Variants in ATF7IP2 observed in about 807,000 individuals in gnomAD.
The protein encoded by ATF7IP2 is activating transcription factor 7 interacting protein 2.
Under a neutral mutation model 64.2 loss-of-function variants are expected in ATF7IP2, and 42 were observed. That is an observed-to-expected ratio of 0.65 (90% CI 0.51 to 0.85). The LOEUF is 0.85. Ranked by LOEUF, ATF7IP2 falls within the 40% of genes least tolerant of loss-of-function variation. The pLI is 0.00. For missense variants in ATF7IP2, 933 were observed against 784.2 expected (o/e 1.19, Z -2.27); for synonymous variants, 308 against 272.8 (o/e 1.13, Z -1.27).
chr16:10,402,202 G>C (rs921382436), intron 1 of ATF7IP2, among the ~76,000 whole-genome samples: 1 of 151,804 alleles, frequency 6.6e-6, no homozygotes, highest in South Asian at 2.1e-4. Flanking sequence ...CTGTTTTTTT[G>C]ATGGAGACGT....
At chr16:10,455,624 G>T (rs1446864454) in intron 8 of ATF7IP2, among the ~76,000 whole-genome samples, 1 of 152,136 alleles carries the variant, frequency 6.6e-6, no homozygotes, top group Non-Finnish European at 1.5e-5. Context: ...GAGACTAGAG[G>T]AGTTTTGAGG....
Position 10,457,547 on chromosome 16 carries a change from A to G in ATF7IP2, c.1352+18A>G. ...TCTGAAAGGTAGGTGTTTCTGCAAA[A>G]ATGCATAAATTTATCTAAATCTATA... On this transcript the variant is annotated intron_variant, in intron 9 of 13. Transcript: ENST00000562102. The G allele has an allele frequency of 6.6e-7, 1 of 1,518,020 alleles. No homozygotes were observed. Among genetic ancestry groups the G allele is most frequent in the Admixed American group, 2.3e-5 (1 of 42,912 alleles). 94.0% of individuals were successfully genotyped at this position (1,518,020 alleles called of 1,614,324 possible). A position where few individuals can be genotyped will look rare whatever the true frequency, so the allele number is the denominator to read the frequency against.
intron 9 of ATF7IP2, among the ~76,000 whole-genome samples, chr16:10,462,644 T>C (rs1216997426): frequency 6.6e-6 from 1 of 152,172 alleles, no homozygotes; most frequent in Non-Finnish European, 1.5e-5. Flanking sequence ...CAATATACTA[T>C]AAGATGTTAG....
At chr16:10,470,179 A>C (rs978655499) in intron 9 of ATF7IP2, among the ~76,000 whole-genome samples, 1 of 152,194 alleles carries the variant, frequency 6.6e-6, no homozygotes, top group Admixed American at 6.5e-5. Flanking sequence ...CTCTATATAG[A>C]AACACTACAT....
chr16:10,423,990 G>A (rs1292038315), intron 3 of ATF7IP2, among the ~76,000 whole-genome samples: 3 of 152,222 alleles, frequency 2.0e-5, no homozygotes, highest in Non-Finnish European at 1.5e-5. Flanking sequence ...TGAGAGCCAC[G>A]AAGAGTTTTA....
rs1454729090 is a variant in ATF7IP2, at chr16:10,431,337, C to T, written c.717C>T (p.Val239=). Reference sequence around the variant, plus strand: ...AAACACCTAATTTGGTGAATTCAGTCACTTCTAACAACTGTGCTGATGACA... The same window carrying T: ...AAACACCTAATTTGGTGAATTCAGTTACTTCTAACAACTGTGCTGATGACA... ...VEKTPNLVNS[V]TSNNCADDIL... The change falls in exon 5 of 14, where the codon GTC becomes GTT. Residue 239 remains valine (V), a synonymous_variant. Coordinates refer to ENST00000562102, the MANE Select transcript of ATF7IP2 (RefSeq NM_001393719.1). The T allele has an allele frequency of 1.2e-6, 2 of 1,614,006 alleles. No individual in the cohort carries two copies. The highest frequency in any genetic ancestry group is 2.7e-5 in the African/African-American group (2 of 74,926).
At chr16:10,478,492 C>T (rs1308234160) in intron 12 of ATF7IP2, among the ~76,000 whole-genome samples, 4 of 152,138 alleles carry the variant, frequency 2.6e-5, no homozygotes, top group African/African-American at 9.7e-5. Context: ...ACACCTTATA[C>T]AAAAATTTAT....
intron 12 of ATF7IP2, among the ~76,000 whole-genome samples, chr16:10,476,540 G>A (rs1447710617): frequency 6.6e-6 from 1 of 152,020 alleles, no homozygotes; most frequent in Non-Finnish European, 1.5e-5. Context: ...TGTGCAGGAT[G>A]TGCAGGTTTG....
At chr16:10,437,348 A>C (rs1366307449) in intron 6 of ATF7IP2, among the ~76,000 whole-genome samples, 10 of 152,170 alleles carry the variant, frequency 6.6e-5, no homozygotes, top group Admixed American at 6.5e-4. Context: ...ACCGTGCTCT[A>C]ACTAGCTGAG....
At chr16:10,396,850 A>G (rs1249824328) in intron 1 of ATF7IP2, among the ~76,000 whole-genome samples, 1 of 151,560 alleles carries the variant, frequency 6.6e-6, no homozygotes, top group East Asian at 1.9e-4. Flanking sequence ...AGATTTTTGT[A>G]GTGACAAGAT....
At chr16:10,439,402 A>AT (rs2048533493) in intron 7 of ATF7IP2, among the ~76,000 whole-genome samples, 1 of 151,226 alleles carries the variant, frequency 6.6e-6, no homozygotes, top group Non-Finnish European at 1.5e-5. Context: ...TGCCCGGCTA[A>AT]TTTTTTGTAT....
rs1293306844 is a variant in ATF7IP2, at chr16:10,468,442, A to C, written c.1353-3668A>C. On this transcript the variant is annotated intron_variant, in intron 9 of 13. Coordinates refer to ENST00000562102, the MANE Select transcript of ATF7IP2 (RefSeq NM_001393719.1). ...TCAGGCTGAAAAATTATTTTCAGAT[A>C]TTGTTCTACCAGGAGTTTAGGATCA... Among the ~76,000 whole-genome samples, 3 of 152,200 alleles carry C rather than the reference A, an allele frequency of 2.0e-5. No homozygotes were observed. In the East Asian group the frequency reaches 5.8e-4, roughly 29 times the overall value.
chr16:10,445,607 C>G (rs2048774508), intron 8 of ATF7IP2: 1 of 152,370 alleles, frequency 6.6e-6, no homozygotes, highest in South Asian at 2.1e-4. Context: ...CAGGTTCAAG[C>G]AATTCTCCTG....
intron 5 of ATF7IP2, among the ~76,000 whole-genome samples, chr16:10,433,317 G>A (rs7203570): frequency 0.75 from 114,185 of 151,872 alleles, 43,184 homozygotes; most frequent in East Asian, 0.87. Flanking sequence ...CTGAGACTAC[G>A]GGCATGCCCC....
At chr16:10,449,801 G>GT (rs1479685221) in intron 8 of ATF7IP2, 2 of 151,914 alleles carry the variant, frequency 1.3e-5, no homozygotes, top group African/African-American at 4.8e-5. Flanking sequence ...GTTTTTAAGG[G>GT]TTTTTCATGT....
chr16:10,459,315 A>G (rs2049291417), intron 9 of ATF7IP2, among the ~76,000 whole-genome samples: 2 of 152,050 alleles, frequency 1.3e-5, no homozygotes, highest in African/African-American at 4.8e-5. Context: ...AAAAATATAA[A>G]AAATTAGCCG....
chr16:10,437,578 A>G (rs544666115), intron 6 of ATF7IP2, among the ~76,000 whole-genome samples: 3 of 152,316 alleles, frequency 2.0e-5, no homozygotes, highest in Admixed American at 1.3e-4. Flanking sequence ...TCATTTGTCA[A>G]CAAGGAAAAT....
intron 3 of ATF7IP2, among the ~76,000 whole-genome samples, chr16:10,427,656 G>C (rs1320491100): frequency 6.6e-6 from 1 of 152,152 alleles, no homozygotes; most frequent in African/African-American, 2.4e-5. Context: ...AGGAGTTTCA[G>C]ACTAGCGTGG....
rs942957489 is a variant in ATF7IP2, at chr16:10,386,072, C to T, written c.-292C>T. The T allele has an allele frequency of 6.5e-6, 1 of 152,760 alleles. No homozygotes were observed. Among genetic ancestry groups the T allele is most frequent in the Non-Finnish European group, 1.5e-5 (1 of 68,358 alleles). The allele number at this position is 152,760 out of a possible 1,614,324, so 9.5% of individuals were successfully genotyped here. ...GCCGGACCAGCATTGTTAACGGCTGCGGTTCGAAGTGGCTGTGGGTATTGC... is the reference window on the plus strand; with the variant it reads ...GCCGGACCAGCATTGTTAACGGCTGTGGTTCGAAGTGGCTGTGGGTATTGC... On this transcript the variant is annotated 5_prime_UTR_variant, in exon 1 of 14. Coordinates refer to ENST00000562102, the MANE Select transcript of ATF7IP2 (RefSeq NM_001393719.1).
Sources: gnomAD v4.1 joint callset for allele counts (sites outside exome capture counted in the v4.1 genomes callset) on GRCh38, gnomAD v4.1.1 for gene constraint, MANE v1.5 for transcripts, NCBI Gene and HGNC (gene_info 2026-07-23, HGNC 2026-07-21) for gene names.